Variants in SERPINE2 observed in about 807,000 individuals in gnomAD.
SERPINE2 encodes the protein serpin family E member 2.
A neutral mutation model predicts 36.3 loss-of-function variants in SERPINE2; 14 were observed. The observed-to-expected ratio is 0.39, with a 90% CI of 0.25 to 0.60. SERPINE2 has a LOEUF of 0.60. Ranked by LOEUF, SERPINE2 falls within the 20% of genes least tolerant of loss-of-function variation. SERPINE2 has a pLI of 0.57. For missense variants in SERPINE2, 418 were observed against 499.6 expected (o/e 0.84, Z 1.56); for synonymous variants, 192 against 191.8 (o/e 1.00, Z -0.01).
chr2:224,018,337 CCAGACCAGCCCTGCCT>C (rs1379973932), intron 1 of SERPINE2, among the ~76,000 whole-genome samples: 30 of 152,170 alleles, frequency 2.0e-4, no homozygotes, highest in Admixed American at 3.3e-4. Flanking sequence ...TGTGTTAAAG[CCAGACCAGCCCTGCCT>C]CAGTGGTCAA....
At chr2:223,993,461 T>A (rs1449640618) in intron 3 of SERPINE2, among the ~76,000 whole-genome samples, 1 of 152,182 alleles carries the variant, frequency 6.6e-6, no homozygotes, top group African/African-American at 2.4e-5. Flanking sequence ...TGTATGTGTG[T>A]TTTTAAATAG....
chr2:224,026,552 A>G (rs1240654511), intron 1 of SERPINE2, among the ~76,000 whole-genome samples: 1 of 152,166 alleles, frequency 6.6e-6, no homozygotes, highest in Non-Finnish European at 1.5e-5. Context: ...TTTTTTTGCG[A>G]ACTCTTAATG....
rs11693563 is a variant in SERPINE2 at position 224,014,763 on chromosome 2, C to T, written c.-22-12841G>A. Among the ~76,000 whole-genome samples the T allele has an allele frequency of 6.1e-3, 927 of 152,270 alleles. 2 individuals carry two copies. Among genetic ancestry groups the T allele is most frequent in the Non-Finnish European group, 0.01 (682 of 68,028 alleles). ...GTCAGGGTAGCATTTCCAAGGCTGC[C>T]GTGTAAACAAGTGTCCCCTATTAAG... On this transcript the variant is annotated intron_variant, in intron 1 of 8. Transcript: ENST00000409304.
chr2:224,022,128 C>T (rs1188569832), intron 1 of SERPINE2, among the ~76,000 whole-genome samples: 3 of 139,298 alleles, frequency 2.2e-5, no homozygotes, highest in African/African-American at 5.4e-5. Flanking sequence ...CACTGCACTC[C>T]AGCCTGGGCA....
chr2:223,988,682 T>A (rs1407761031), intron 4 of SERPINE2, among the ~76,000 whole-genome samples: 1 of 152,236 alleles, frequency 6.6e-6, no homozygotes, highest in African/African-American at 2.4e-5. Context: ...GAGATTCCTA[T>A]TCCATTCCTA....
rs776950881 is a variant in SERPINE2 at position 224,031,060 on chromosome 2, G to A, written c.-23+8039C>T. The A allele has an allele frequency of 3.0e-6, 3 of 985,280 alleles. No homozygotes were observed. The African/African-American group carries it at 5.2e-5, about 17-fold the overall frequency. 61.0% of individuals were successfully genotyped at this position (985,280 alleles called of 1,614,324 possible). A position where few individuals can be genotyped will look rare whatever the true frequency, so the allele number is the denominator to read the frequency against. ...CGCAGCACGGCGAGGAGGTAGTCTT[G>A]AAAGGAGGAGTGTGCTTTGACACAA... On this transcript the variant is annotated intron_variant, in intron 1 of 8. Coordinates refer to ENST00000409304, the MANE Select transcript of SERPINE2 (RefSeq NM_001136528.2).
At chr2:223,985,536 C>G (rs1025341219) in intron 4 of SERPINE2, among the ~76,000 whole-genome samples, 11 of 152,116 alleles carry the variant, frequency 7.2e-5, no homozygotes, top group African/African-American at 2.7e-4. Context: ...TTTGGATAAG[C>G]CTACATGTGC....
intron 1 of SERPINE2, among the ~76,000 whole-genome samples, chr2:224,035,658 C>T (rs1015824786): frequency 2.6e-5 from 4 of 152,300 alleles, no homozygotes; most frequent in Non-Finnish European, 5.9e-5. Flanking sequence ...TATGAGCCAC[C>T]ACGCACTGCC....
In SERPINE2 at chr2:223,985,259, C is replaced by A. The variant is rs1422578774; in HGVS notation, c.686-309G>T. Reference sequence around the variant, plus strand: ...GTGCTTTGCAAGAAGTTGACCCTCACATGAATAAAAGAATACATTCAAGCT... The same window carrying A: ...GTGCTTTGCAAGAAGTTGACCCTCAAATGAATAAAAGAATACATTCAAGCT... On this transcript the variant is annotated intron_variant, in intron 4 of 8. Coordinates refer to ENST00000409304, the MANE Select transcript of SERPINE2 (RefSeq NM_001136528.2). Among the ~76,000 whole-genome samples, 21 of 149,898 alleles carry A rather than the reference C, an allele frequency of 1.4e-4. 1 individual carries two copies. The highest frequency in any genetic ancestry group is 1.5e-5 in the Non-Finnish European group (1 of 67,798).
intron 1 of SERPINE2, among the ~76,000 whole-genome samples, chr2:224,008,638 G>A (rs1281524050): frequency 6.6e-6 from 1 of 152,148 alleles, no homozygotes; most frequent in Non-Finnish European, 1.5e-5. Flanking sequence ...TTGACTAGAT[G>A]TTTAGGCTCA....
At chr2:223,986,580 T>C (rs1690439124) in intron 4 of SERPINE2, among the ~76,000 whole-genome samples, 1 of 152,124 alleles carries the variant, frequency 6.6e-6, no homozygotes, top group Admixed American at 6.5e-5. Flanking sequence ...TCAGAAACTG[T>C]GAAATATGGG....
chr2:224,000,277 T>C (rs1691061854), intron 2 of SERPINE2, among the ~76,000 whole-genome samples: 1 of 152,108 alleles, frequency 6.6e-6, no homozygotes, highest in Non-Finnish European at 1.5e-5. Flanking sequence ...AGGGTGCTGG[T>C]GGCCAGGAAG....
intron 1 of SERPINE2, among the ~76,000 whole-genome samples, chr2:224,035,093 G>A (rs1420804583): frequency 1.4e-5 from 2 of 139,686 alleles, no homozygotes; most frequent in African/African-American, 2.6e-5. Flanking sequence ...GGCAGCAGGA[G>A]GAAAGTCACA....
intron 1 of SERPINE2, among the ~76,000 whole-genome samples, chr2:224,031,656 C>G (rs1389967375): frequency 1.3e-5 from 2 of 152,004 alleles, no homozygotes; most frequent in Admixed American, 6.6e-5. Context: ...TAGCATCAGC[C>G]AATCATAGGA....
chr2:223,995,381 A>T (rs935486692), intron 3 of SERPINE2, among the ~76,000 whole-genome samples: 2 of 152,180 alleles, frequency 1.3e-5, no homozygotes, highest in African/African-American at 4.8e-5. Context: ...CCCCCAGGTA[A>T]AGGCAGTTTG....
At chr2:224,025,270 G>A (rs986989358) in intron 1 of SERPINE2, among the ~76,000 whole-genome samples, 3 of 152,130 alleles carry the variant, frequency 2.0e-5, no homozygotes, top group Non-Finnish European at 4.4e-5. Context: ...GTGCAGGATT[G>A]GCACTAACCC....
intron 1 of SERPINE2, among the ~76,000 whole-genome samples, chr2:224,011,583 C>T (rs115928923): frequency 0.016 from 2,382 of 152,208 alleles, 47 homozygotes; most frequent in African/African-American, 0.045. Flanking sequence ...AATTCAGAGA[C>T]GAGAAACTAA....
intron 6 of SERPINE2, chr2:223,981,637 C>G (rs1690230180): frequency 6.6e-6 from 1 of 152,180 alleles, no homozygotes; most frequent in Admixed American, 6.5e-5. Context: ...TCTTACCACT[C>G]AAAGTTATTT....
chr2:224,028,622 C>G (rs1190348744), intron 1 of SERPINE2, among the ~76,000 whole-genome samples: 1 of 152,194 alleles, frequency 6.6e-6, no homozygotes, highest in Non-Finnish European at 1.5e-5. Flanking sequence ...GTTCTACACA[C>G]CTGAATCTCA....
Sources: allele counts gnomAD v4.1 joint callset (sites outside exome capture counted in the v4.1 genomes callset), GRCh38; gene constraint gnomAD v4.1.1; transcripts MANE v1.5; gene names NCBI Gene and HGNC (gene_info 2026-07-23, HGNC 2026-07-21).